Variants in KCNV1 observed in about 807,000 individuals in gnomAD.
KCNV1 encodes the protein potassium voltage-gated channel subfamily V member 1.
A neutral mutation model predicts 36.4 loss-of-function variants in KCNV1; 2 were observed. The ratio of observed to expected loss-of-function variants is 0.05; its 90% CI spans 0.02 to 0.17. The LOEUF (loss-of-function observed/expected upper bound fraction) is 0.17. Ranked by LOEUF, KCNV1 falls within the 10% of genes least tolerant of loss-of-function variation. The pLI, the probability that KCNV1 is intolerant of heterozygous loss-of-function variation, is 1.00. For missense variants in KCNV1, 321 were observed against 643.6 expected, an observed-to-expected ratio of 0.50 and a Z score of 5.42; for synonymous variants, 280 against 261.1, an observed-to-expected ratio of 1.07 and a Z score of -0.70.
rs185316313 is a variant in KCNV1, at chr8:109,972,961, G to T, written c.462-174C>A. Among the ~76,000 whole-genome samples, 80 of 149,506 alleles carry T rather than the reference G, an allele frequency of 5.4e-4. No homozygotes were observed. The highest frequency in any genetic ancestry group is 2.0e-3 in the African/African-American group (80 of 40,466). On this transcript the variant is annotated intron_variant, in intron 2 of 3. Transcript: ENST00000524391. This position sits in a 1 kb window ranked among gnomAD's most constrained non-coding sequence, Gnocchi z 5.2. ...CACAGTATTCAGAATTTCTCCCTTAGAATTATGATTATTTTTCCTTTTTTT... is the reference window on the plus strand; with the variant it reads ...CACAGTATTCAGAATTTCTCCCTTATAATTATGATTATTTTTCCTTTTTTT...
chr8:109,973,987 C>T lies in KCNV1; in HGVS notation c.402G>A (p.Leu134=). The T allele has an allele frequency of 6.2e-7, 1 of 1,613,264 alleles. No homozygotes were observed. Among genetic ancestry groups the T allele is most frequent in the Non-Finnish European group, 8.5e-7 (1 of 1,179,964 alleles). ...CGATGCCCCAGTACTGGATCTCCTG[C>T]AGGAAGGAGAGCGCGCACAGCTGCT... ...VMEQLCALSF[L]QEIQYWGIDE... Residue 134 remains leucine, a synonymous_variant, in exon 2 of 4, where the codon CTG becomes CTA. Coordinates refer to ENST00000524391, the MANE Select transcript of KCNV1 (RefSeq NM_014379.4).
chr8:109,972,250 G>A lies in KCNV1; in HGVS notation c.991+8C>T, dbSNP rs1820020735. Reference sequence around the variant, plus strand: ...GCAAATTAAAAGGCATCAGTGAAATGTGAATACCTGTGGAATGTCTGCCCA... The same window carrying A: ...GCAAATTAAAAGGCATCAGTGAAATATGAATACCTGTGGAATGTCTGCCCA... On this transcript the variant is annotated splice_region_variant and intron_variant, in intron 3 of 3. Transcript: ENST00000524391. The surrounding 1 kb of genome is among the most constrained non-coding windows in gnomAD (Gnocchi z 5.2). 4.5e-6 allele frequency: 7 copies of A among 1,568,986 alleles called. No individual in the cohort carries two copies. Among genetic ancestry groups the A allele is most frequent in the African/African-American group, 1.4e-5 (1 of 73,310 alleles).
Position 109,974,519 on chromosome 8 carries a change from C to T in KCNV1, c.-131G>A. The T allele has an allele frequency of 3.1e-6, 2 of 652,942 alleles. No homozygotes were observed. Among genetic ancestry groups the T allele is most frequent in the Non-Finnish European group, 5.2e-6 (2 of 387,172 alleles). The allele number at this position is 652,942 out of a possible 1,614,324, so 40.4% of individuals were successfully genotyped here. ...CCCCGGGCTCCCGAAGGGGTTACCT[C>T]TCCTTGGCGCACCCTCTCCACCCGC... On this transcript the variant is annotated 5_prime_UTR_variant, in exon 2 of 4. Coordinates refer to ENST00000524391, the MANE Select transcript of KCNV1 (RefSeq NM_014379.4). The surrounding 1 kb of genome is among the most constrained non-coding windows in gnomAD (Gnocchi z 6.2).
intron 3 of KCNV1, among the ~76,000 whole-genome samples, chr8:109,970,869 G>A (rs754224563): frequency 3.3e-5 from 5 of 152,116 alleles, no homozygotes; most frequent in Non-Finnish European, 7.4e-5. Flanking sequence ...CTTGAAGAAA[G>A]CATCCCATTA....
rs113449582 is a variant in KCNV1 at position 109,972,979 on chromosome 8, CTTTT to C, written c.462-196_462-193del. On this transcript the variant is annotated intron_variant, in intron 2 of 3. Transcript: ENST00000524391. This position sits in a 1 kb window ranked among gnomAD's most constrained non-coding sequence, Gnocchi z 5.2. ...TCCCTTAGAATTATGATTATTTTTCCTTTTTTTTTTTTTTTTGAGACGGAGTCTT... is the reference window on the plus strand; with the variant it reads ...TCCCTTAGAATTATGATTATTTTTCCTTTTTTTTTTTTGAGACGGAGTCTT... Among the ~76,000 whole-genome samples the C allele has an allele frequency of 5.9e-5, 8 of 134,474 alleles. No homozygotes were observed. The highest frequency in any genetic ancestry group is 8.7e-5 in the African/African-American group (3 of 34,446). 88.2% of individuals were successfully genotyped at this position (134,474 alleles called of 152,430 possible). A position where few individuals can be genotyped will look rare whatever the true frequency, so the allele number is the denominator to read the frequency against.
Position 109,965,805 on chromosome 8 carries a change from A to G in KCNV1, c.*2283T>C, listed in dbSNP as rs545070137. ...AAGAAGTTGGCTTGCCTGCCTAAAA[A>G]ATAAATTTCTATGCAGAGCTTGTGT... On this transcript the variant is annotated 3_prime_UTR_variant, in exon 4 of 4. Coordinates refer to ENST00000524391, the MANE Select transcript of KCNV1 (RefSeq NM_014379.4). 2 of 152,366 alleles carry G rather than the reference A, an allele frequency of 1.3e-5. No individual in the cohort carries two copies. The highest frequency in any genetic ancestry group is 1.3e-4 in the Admixed American group (2 of 15,306). 9.4% of individuals were successfully genotyped at this position (152,366 alleles called of 1,614,324 possible). A position where few individuals can be genotyped will look rare whatever the true frequency, so the allele number is the denominator to read the frequency against.
chr8:109,964,773 T>C lies in KCNV1; in HGVS notation c.*3315A>G, dbSNP rs1278292095. On this transcript the variant is annotated 3_prime_UTR_variant, in exon 4 of 4. Coordinates refer to ENST00000524391, the MANE Select transcript of KCNV1 (RefSeq NM_014379.4). The stretch of plus-strand genomic sequence containing the variant: ...ACCAAATACCACATGTTCTCACTTA[T>C]AAGTGGGAGCTAAATGATGAGAGCA... 6.6e-6 allele frequency: 1 copy of C among 152,144 alleles called. No individual in the cohort carries two copies. The highest frequency in any genetic ancestry group is 1.5e-5 in the Non-Finnish European group (1 of 68,032). The allele number at this position is 152,144 out of a possible 1,614,324, so 9.4% of individuals were successfully genotyped here.
intron 3 of KCNV1, among the ~76,000 whole-genome samples, chr8:109,971,742 A>G (rs1318792629): frequency 6.6e-6 from 1 of 151,836 alleles, no homozygotes; most frequent in Non-Finnish European, 1.5e-5. Flanking sequence ...AAAATTTTGG[A>G]AAGGCCACCT....
At position 109,972,236 on chromosome 8, in the gene KCNV1, G is replaced by T. The variant is rs1428395185; in HGVS notation, c.991+22C>A. The T allele has an allele frequency of 7.8e-6, 12 of 1,546,104 alleles. No individual in the cohort carries two copies. Among genetic ancestry groups the T allele is most frequent in the Non-Finnish European group, 1.0e-5 (12 of 1,148,802 alleles). ...GCTTACATGCAATGGCAAATTAAAA[G>T]GCATCAGTGAAATGTGAATACCTGT... On this transcript the variant is annotated intron_variant, in intron 3 of 3. Coordinates refer to ENST00000524391, the MANE Select transcript of KCNV1 (RefSeq NM_014379.4). The surrounding 1 kb of genome is among the most constrained non-coding windows in gnomAD (Gnocchi z 5.2).
At chr8:109,970,257 G>A (rs985173989) in intron 3 of KCNV1, among the ~76,000 whole-genome samples, 1 of 152,150 alleles carries the variant, frequency 6.6e-6, no homozygotes, top group Non-Finnish European at 1.5e-5. Flanking sequence ...GCCTTGATGT[G>A]TCTACATGGA....
In KCNV1 at chr8:109,975,148, C is replaced by G. The variant is rs530320707; in HGVS notation, c.-760G>C. The stretch of plus-strand genomic sequence containing the variant: ...CACTCTCATTCTAGTCTGATGATCA[C>G]TGACGCTCCATTTTCTTCCGCCGTC... On this transcript the variant is annotated 5_prime_UTR_variant, in exon 2 of 4. Coordinates refer to ENST00000524391, the MANE Select transcript of KCNV1 (RefSeq NM_014379.4). 6.6e-6 allele frequency: 1 copy of G among 152,272 alleles called. No homozygotes were observed. Among genetic ancestry groups the G allele is most frequent in the South Asian group, 2.1e-4 (1 of 4,822 alleles). 9.4% of individuals were successfully genotyped at this position (152,272 alleles called of 1,614,324 possible). A position where few individuals can be genotyped will look rare whatever the true frequency, so the allele number is the denominator to read the frequency against.
In KCNV1 at chr8:109,972,225, G is replaced by A. The variant is rs200841067; in HGVS notation, c.991+33C>T. 6.5e-7 allele frequency: 1 copy of A among 1,537,768 alleles called. No individual in the cohort carries two copies. The highest frequency in any genetic ancestry group is 2.3e-5 in the East Asian group (1 of 44,264). On this transcript the variant is annotated intron_variant, in intron 3 of 3. Transcript: ENST00000524391. This position sits in a 1 kb window ranked among gnomAD's most constrained non-coding sequence, Gnocchi z 5.2. The stretch of plus-strand genomic sequence containing the variant: ...AAAAAACGAATGCTTACATGCAATG[G>A]CAAATTAAAAGGCATCAGTGAAATG...
rs182818684 is a variant in KCNV1 at position 109,971,568 on chromosome 8, A to C, written c.991+690T>G. 8.5e-5 allele frequency among the ~76,000 whole-genome samples: 13 copies of C among 152,192 alleles called. No individual in the cohort carries two copies. In the East Asian group the frequency reaches 2.1e-3, roughly 25 times the overall value. On this transcript the variant is annotated intron_variant, in intron 3 of 3. Coordinates refer to ENST00000524391, the MANE Select transcript of KCNV1 (RefSeq NM_014379.4). ...AGACTTTTCTAGGAAAATATTAATT[A>C]GATTTTCAAAGGCTCTGTGATACAC...
rs747043179 is a variant in KCNV1 at position 109,972,795 on chromosome 8, A to G, written c.462-8T>C. The G allele has an allele frequency of 1.3e-6, 2 of 1,571,612 alleles. No individual in the cohort carries two copies. Among genetic ancestry groups the G allele is most frequent in the Non-Finnish European group, 1.7e-6 (2 of 1,163,080 alleles). ...TCTTTCCTTCTGAAGTATCTTTTAG[A>G]GAAAACAATTTGGTGATTAGTCTAA... On this transcript the variant is annotated splice_region_variant and splice_polypyrimidine_tract_variant and intron_variant, in intron 2 of 3. Transcript: ENST00000524391. This position sits in a 1 kb window ranked among gnomAD's most constrained non-coding sequence, Gnocchi z 5.2.
Position 109,974,078 on chromosome 8 carries a change from T to C in KCNV1, c.311A>G (p.Asp104Gly). 1 of 1,613,378 alleles carries C rather than the reference T, an allele frequency of 6.2e-7. No individual in the cohort carries two copies. ...ATATCGGAACGCCTGCGAGCTGCGG[T>C]CGAAGAAGTACTCGTTGTCCACGGG... is the stretch of plus-strand genomic sequence containing the variant. ...ANPVDNEYFF[D>G]RSSQAFRYVL... Residue 104 changes from aspartate (D) to glycine (G), a missense_variant, in exon 2 of 4, where the codon GAC becomes GGC. Physicochemically the swap from Asp to Gly is moderately conservative, Grantham distance 94 (BLOSUM62 -1). Transcript: ENST00000524391. This position sits in a 1 kb window ranked among gnomAD's most constrained non-coding sequence, Gnocchi z 6.2.
rs952011363 is a variant in KCNV1, at chr8:109,967,475, CTT to C, written c.*611_*612del. The C allele has an allele frequency of 6.6e-6, 1 of 152,290 alleles. No individual in the cohort carries two copies. Among genetic ancestry groups the C allele is most frequent in the African/African-American group, 2.4e-5 (1 of 41,422 alleles). 9.4% of individuals were successfully genotyped at this position (152,290 alleles called of 1,614,324 possible). On this transcript the variant is annotated 3_prime_UTR_variant, in exon 4 of 4. Coordinates refer to ENST00000524391, the MANE Select transcript of KCNV1 (RefSeq NM_014379.4). ...CTAAGCAGTTTTGGGATTCCCACCT[CTT>C]ATAGTAATAATGGGATACAGAGATC... is the stretch of plus-strand genomic sequence containing the variant.
Position 109,964,337 on chromosome 8 carries a change from C to CA in KCNV1, c.*3750dup, listed in dbSNP as rs572388283. ...AGTCAGAATGGCTATTATTAAAAAG[C>CA]AAAAAAAAAAAAGCAGATGCTGGCG... is the stretch of plus-strand genomic sequence containing the variant. On this transcript the variant is annotated 3_prime_UTR_variant, in exon 4 of 4. Coordinates refer to ENST00000524391, the MANE Select transcript of KCNV1 (RefSeq NM_014379.4). 10,594 of 134,204 alleles carry CA rather than the reference C, an allele frequency of 0.079. 845 individuals are homozygous for CA. The highest frequency in any genetic ancestry group is 0.22 in the African/African-American group (8,267 of 37,698). The allele number at this position is 134,204 out of a possible 1,614,324, so 8.3% of individuals were successfully genotyped here. A position where few individuals can be genotyped will look rare whatever the true frequency, so the allele number is the denominator to read the frequency against.
chr8:109,968,647 C>A lies in KCNV1; in HGVS notation c.992-48G>T, dbSNP rs202237668. 51 of 1,538,680 alleles carry A rather than the reference C, an allele frequency of 3.3e-5. No individual in the cohort carries two copies. The highest frequency in any genetic ancestry group is 4.5e-5 in the Non-Finnish European group (51 of 1,138,578). ...AGTCATTGGCATCCCTCTTCTCTCT[C>A]TTCCTTCCCTCCCCTCCCCTCTCCC... On this transcript the variant is annotated intron_variant, in intron 3 of 3. Transcript: ENST00000524391. The surrounding 1 kb of genome is among the most constrained non-coding windows in gnomAD (Gnocchi z 5.3).
At chr8:109,971,373 A>G (rs1282862131) in intron 3 of KCNV1, among the ~76,000 whole-genome samples, 2 of 152,132 alleles carry the variant, frequency 1.3e-5, no homozygotes, top group Admixed American at 6.6e-5. Flanking sequence ...TCATTAAGGT[A>G]TGTCATAAGG....
Sources: gnomAD v4.1 joint callset for allele counts (sites outside exome capture counted in the v4.1 genomes callset) on GRCh38, gnomAD v4.1.1 for gene constraint, Gnocchi (gnomAD v3.1) non-coding constraint, MANE v1.5 for transcripts, NCBI Gene and HGNC (gene_info 2026-07-23, HGNC 2026-07-21) for gene names.